The following ADGRL3 variants were observed in gnomAD, a reference collection of about 807,000 sequenced individuals.
ADGRL3 encodes calcium-independent alpha-latrotoxin receptor 3.
In ADGRL3, 62 loss-of-function variants were observed where a neutral mutation model predicts 153.5. That is an observed-to-expected ratio of 0.40 (90% CI 0.33 to 0.50). The LOEUF is 0.50. ADGRL3 is among the 20% of genes least tolerant of loss of function. The pLI is 0.47. For synonymous variants in ADGRL3, 710 were observed against 672.5 expected, an observed-to-expected ratio of 1.06 and a Z score of -0.86; for missense variants, 1,641 against 1,859.4, an observed-to-expected ratio of 0.88 and a Z score of 2.16.
intron 11 of ADGRL3, among the ~76,000 whole-genome samples, chr4:61,897,359 T>C (rs1246509274): frequency 6.6e-6 from 1 of 152,212 alleles, no homozygotes; most frequent in African/African-American, 2.4e-5. Context: ...AACAAGAGGC[T>C]TTTGAGCATT....
rs550153192 is a variant in ADGRL3, at chr4:61,259,061, C to T, written c.-240+57296C>T. Among the ~76,000 whole-genome samples, 16 of 152,240 alleles carry T rather than the reference C, an allele frequency of 1.1e-4. 1 individual carries two copies. The highest frequency in any genetic ancestry group is 3.4e-3 in the Middle Eastern group (1 of 294). ...CTCATCAATTGAACTTACCTCAAAA[C>T]GAATTCATGATATATGCCAATAAAA... On this transcript the variant is annotated intron_variant, in intron 1 of 26. Transcript: ENST00000683033.
chr4:61,862,858 A>G (rs2098357677), intron 9 of ADGRL3, among the ~76,000 whole-genome samples: 1 of 152,166 alleles, frequency 6.6e-6, no homozygotes, highest in Non-Finnish European at 1.5e-5. Context: ...AGTGGTTCTC[A>G]TCCTGGGAGT....
chr4:61,635,885 A>G (rs1349480158), intron 5 of ADGRL3, among the ~76,000 whole-genome samples: 1 of 152,014 alleles, frequency 6.6e-6, no homozygotes, highest in African/African-American at 2.4e-5. Context: ...TCTTCAAAGG[A>G]CACCAATTGT....
intron 13 of ADGRL3, among the ~76,000 whole-genome samples, chr4:61,923,863 C>T (rs900451756): frequency 7.9e-5 from 12 of 152,140 alleles, no homozygotes; most frequent in Non-Finnish European, 2.9e-5. Flanking sequence ...ACTTTTATTT[C>T]TACATCTTCA....
In ADGRL3 at chr4:61,302,840, C is replaced by A. The variant is rs2094624497; in HGVS notation, c.-239-80284C>A. ...TCCAGTGATGAAGATATTAATGAAT[C>A]ATTTTTGAAACATTTCAGTTGTATT... On this transcript the variant is annotated intron_variant, in intron 1 of 26. Coordinates refer to ENST00000683033, the MANE Select transcript of ADGRL3 (RefSeq NM_001387552.1). Among the ~76,000 whole-genome samples, 3 of 152,080 alleles carry A rather than the reference C, an allele frequency of 2.0e-5. No homozygotes were observed. In the South Asian group the frequency reaches 6.2e-4, roughly 32 times the overall value.
intron 5 of ADGRL3, among the ~76,000 whole-genome samples, chr4:61,652,073 G>C (rs999013605): frequency 3.2e-4 from 48 of 152,162 alleles, no homozygotes; most frequent in African/African-American, 1.2e-3. Flanking sequence ...TATTGAAAAG[G>C]AATGTATTTA....
At chr4:61,257,798 A>T (rs933038039) in intron 1 of ADGRL3, among the ~76,000 whole-genome samples, 28 of 152,216 alleles carry the variant, frequency 1.8e-4, no homozygotes, top group African/African-American at 4.8e-4. Context: ...ATTTCACTTC[A>T]TACCATTTTT....
intron 2 of ADGRL3, among the ~76,000 whole-genome samples, chr4:61,461,287 T>A (rs1046701231): frequency 6.6e-6 from 1 of 152,104 alleles, no homozygotes; most frequent in Non-Finnish European, 1.5e-5. Context: ...ATAGAAGTAA[T>A]AAATTCTAGT....
At chr4:61,919,111 T>G (rs531793266) in intron 13 of ADGRL3, among the ~76,000 whole-genome samples, 1 of 152,350 alleles carries the variant, frequency 6.6e-6, no homozygotes, top group East Asian at 1.9e-4. Flanking sequence ...CTATTCTGTG[T>G]GGCCTGTCAG....
At chr4:61,262,537 T>G (rs1291858163) in intron 1 of ADGRL3, among the ~76,000 whole-genome samples, 5 of 152,114 alleles carry the variant, frequency 3.3e-5, no homozygotes, top group Non-Finnish European at 5.9e-5. Context: ...TTCTCGTATC[T>G]TTTACTCACC....
chr4:61,500,658 C>A (rs2098377807), intron 3 of ADGRL3, among the ~76,000 whole-genome samples: 1 of 152,132 alleles, frequency 6.6e-6, no homozygotes, highest in Non-Finnish European at 1.5e-5. Context: ...GGAATTAATT[C>A]TTCTGGGTAA....
chr4:61,754,553 G>A (rs2096796807), intron 8 of ADGRL3, among the ~76,000 whole-genome samples: 1 of 151,834 alleles, frequency 6.6e-6, no homozygotes, highest in South Asian at 2.1e-4. Flanking sequence ...TTTTATGCTT[G>A]ATTGTAACCA....
chr4:61,688,617 T>C (rs1284758612), intron 6 of ADGRL3, among the ~76,000 whole-genome samples: 2 of 152,188 alleles, frequency 1.3e-5, no homozygotes. Flanking sequence ...TCATTTGTAA[T>C]GTCTTCTGAT....
chr4:61,745,572 A>T (rs1274861792), intron 8 of ADGRL3, among the ~76,000 whole-genome samples: 1 of 152,210 alleles, frequency 6.6e-6, no homozygotes, highest in African/African-American at 2.4e-5. Context: ...CTTAAAGAAA[A>T]GAATTTTCAA....
rs1757583475 is a variant in ADGRL3, at chr4:61,247,564, C to CGGGGTGAGGAGA, written c.-240+45799_-240+45800insGGGGTGAGGAGA. 2.6e-5 allele frequency among the ~76,000 whole-genome samples: 4 copies of CGGGGTGAGGAGA among 152,102 alleles called. No homozygotes were observed. The East Asian group carries it at 7.7e-4, about 29-fold the overall frequency. ...CCACAATTCAAAGTTGCCCATCTCT[C>CGGGGTGAGGAGA]CTCACCCCGAATGGTAATTAGATAT... On this transcript the variant is annotated intron_variant, in intron 1 of 26. Transcript: ENST00000683033.
At chr4:61,257,051 A>AATC (rs1419734310) in intron 1 of ADGRL3, among the ~76,000 whole-genome samples, 3 of 152,306 alleles carry the variant, frequency 2.0e-5, no homozygotes, top group Admixed American at 1.3e-4. Flanking sequence ...TATGCTGAAA[A>AATC]ATCTTAATGT....
intron 13 of ADGRL3, among the ~76,000 whole-genome samples, chr4:61,914,437 A>G (rs962596809): frequency 3.9e-5 from 6 of 152,126 alleles, no homozygotes; most frequent in African/African-American, 1.2e-4. Context: ...TGACCCCAAG[A>G]AACAGAAAAA....
intron 4 of ADGRL3, among the ~76,000 whole-genome samples, chr4:61,546,643 G>T (rs976156916): frequency 2.2e-4 from 33 of 152,108 alleles, no homozygotes; most frequent in African/African-American, 7.7e-4. Context: ...AATCAACCCT[G>T]AAGGGAGTAT....
chr4:61,799,035 A>ATG (rs2097454184), intron 8 of ADGRL3, among the ~76,000 whole-genome samples: 1 of 122,130 alleles, frequency 8.2e-6, no homozygotes, highest in Admixed American at 8.7e-5. Flanking sequence ...ATATATATAT[A>ATG]TATACCATAT....
Sources: gnomAD v4.1 joint callset for allele counts (sites outside exome capture counted in the v4.1 genomes callset) on GRCh38, gnomAD v4.1.1 for gene constraint, MANE v1.5 for transcripts, NCBI Gene and HGNC (gene_info 2026-07-23, HGNC 2026-07-21) for gene names.